RUFY3: variants seen among roughly 807,000 people sequenced by gnomAD.
RUFY3 encodes protein RUFY3.
In RUFY3, 34 loss-of-function variants were observed where a neutral mutation model predicts 84.0. That is an observed-to-expected ratio of 0.40 (90% CI 0.31 to 0.54). RUFY3 has a LOEUF of 0.54. Ranked by LOEUF, RUFY3 falls within the 20% of genes least tolerant of loss-of-function variation. The probability of loss-of-function intolerance (pLI) is 0.39; values close to 1 mark genes in which losing one functional copy is unlikely to be tolerated. For synonymous variants in RUFY3, 242 were observed against 252.9 expected (o/e 0.96, Z 0.41); for missense variants, 507 against 736.8 (o/e 0.69, Z 3.61).
chr4:70,754,173 C>A (rs999995470), intron 1 of RUFY3, among the ~76,000 whole-genome samples: 1 of 152,146 alleles, frequency 6.6e-6, no homozygotes. Flanking sequence ...CTGCCTCAGC[C>A]TCCTGAGTAG....
At chr4:70,752,856 T>C (rs1407048364) in intron 1 of RUFY3, among the ~76,000 whole-genome samples, 1 of 152,232 alleles carries the variant, frequency 6.6e-6, no homozygotes, top group Non-Finnish European at 1.5e-5. Flanking sequence ...ATAAGGAGTA[T>C]TGATCTATAG....
At chr4:70,761,905 A>G (rs1725095518) in intron 1 of RUFY3, among the ~76,000 whole-genome samples, 1 of 152,206 alleles carries the variant, frequency 6.6e-6, no homozygotes, top group African/African-American at 2.4e-5. Flanking sequence ...CAAATTATGC[A>G]GAGAAAAGAG....
chr4:70,776,501 G>A (rs1235058021), intron 7 of RUFY3, among the ~76,000 whole-genome samples: 1 of 152,214 alleles, frequency 6.6e-6, no homozygotes, highest in East Asian at 1.9e-4. Context: ...GAGGCCGGGA[G>A]CAGTGGCTCA....
intron 1 of RUFY3, among the ~76,000 whole-genome samples, chr4:70,715,588 CAAA>C (rs886636641): frequency 4.1e-4 from 19 of 46,680 alleles, no homozygotes; most frequent in Admixed American, 5.6e-4. Context: ...ACACTATCTC[CAAA>C]AAAAAAAAAA....
At chr4:70,772,952 C>T (rs1326296978) in intron 5 of RUFY3, among the ~76,000 whole-genome samples, 3 of 152,098 alleles carry the variant, frequency 2.0e-5, no homozygotes, top group Non-Finnish European at 2.9e-5. Context: ...AGAGCCACTG[C>T]GCCCGGCCTT....
At chr4:70,729,726 A>T (rs537321788) in intron 1 of RUFY3, among the ~76,000 whole-genome samples, 2 of 152,128 alleles carry the variant, frequency 1.3e-5, no homozygotes, top group Admixed American at 6.5e-5. Flanking sequence ...TCTTCAATAC[A>T]TTGCCATTTT....
chr4:70,738,523 C>A (rs549412628), intron 1 of RUFY3, among the ~76,000 whole-genome samples: 46 of 151,046 alleles, frequency 3.0e-4, no homozygotes, highest in Non-Finnish European at 7.4e-5. Context: ...CCACCACGCC[C>A]GGCTAATTTT....
At chr4:70,733,668 G>T (rs1435637453) in intron 1 of RUFY3, among the ~76,000 whole-genome samples, 1 of 152,200 alleles carries the variant, frequency 6.6e-6, no homozygotes, top group South Asian at 2.1e-4. Flanking sequence ...TATTTGATGT[G>T]TAGGGTAATG....
intron 6 of RUFY3, among the ~76,000 whole-genome samples, chr4:70,774,099 T>C (rs1034820364): frequency 6.6e-6 from 1 of 152,212 alleles, no homozygotes; most frequent in Non-Finnish European, 1.5e-5. Context: ...CATCTATTCT[T>C]TTTATAAATT....
Position 70,800,221 on chromosome 4 carries a change from G to A in RUFY3, c.1622+16G>A. Reference sequence around the variant, plus strand: ...AAAGCCACAGGTGTTTGTTAATCAAGTATTAACTAAGATGTAAAGTTATTC... The same window carrying A: ...AAAGCCACAGGTGTTTGTTAATCAAATATTAACTAAGATGTAAAGTTATTC... On this transcript the variant is annotated intron_variant, in intron 15 of 17. Transcript: ENST00000381006. The A allele has an allele frequency of 1.9e-6, 3 of 1,586,258 alleles. No individual in the cohort carries two copies. Among genetic ancestry groups the A allele is most frequent in the Non-Finnish European group, 2.6e-6 (3 of 1,167,436 alleles).
upstream of RUFY3, among the ~76,000 whole-genome samples, chr4:70,717,814 G>A (rs971375663): frequency 2.0e-5 from 3 of 148,710 alleles, no homozygotes; most frequent in African/African-American, 7.4e-5. Context: ...GTTTCATTGT[G>A]TATAAAGAGA....
chr4:70,711,992 A>G (rs1046025385), intron 1 of RUFY3, among the ~76,000 whole-genome samples: 8 of 122,116 alleles, frequency 6.6e-5, no homozygotes, highest in African/African-American at 3.6e-4. Context: ...TTATTGACAG[A>G]ACAACAATTT....
Position 70,771,560 on chromosome 4 carries a change from G to A in RUFY3, c.697-1951G>A, listed in dbSNP as rs1382713136. Among the ~76,000 whole-genome samples the A allele has an allele frequency of 2.6e-5, 4 of 152,056 alleles. No homozygotes were observed. In the East Asian group the frequency reaches 5.8e-4, roughly 22 times the overall value. ...TATTTTATTTTATTTTTGAGACAAA[G>A]TCTCACTGTCATCCAGGCCGGAGTG... On this transcript the variant is annotated intron_variant, in intron 5 of 17. Coordinates refer to ENST00000381006, the MANE Select transcript of RUFY3 (RefSeq NM_001037442.4).
intron 1 of RUFY3, among the ~76,000 whole-genome samples, chr4:70,707,374 T>G (rs1359323515): frequency 1.3e-5 from 2 of 152,210 alleles, no homozygotes; most frequent in East Asian, 3.8e-4. Flanking sequence ...TTCTCCTGCC[T>G]CAGCCTCCTG....
At chr4:70,741,480 A>T in intron 1 of RUFY3, 1 of 519,222 alleles carries the variant, frequency 1.9e-6, no homozygotes, top group Non-Finnish European at 3.3e-6. Flanking sequence ...AGCCCTTGTC[A>T]CTGTTAATCG....
At chr4:70,804,511 GTGCAGAGTGCA>G (rs1732623892) in intron 17 of RUFY3, 95 bp downstream of exon 17, 1 of 1,001,110 alleles carries the variant, frequency 1.0e-6, no homozygotes, top group East Asian at 2.5e-5. Flanking sequence ...CCCGCATAGA[GTGCAGAGTGCA>G]TGCAGAGTGC....
At chr4:70,760,016 T>C (rs1724752873) in intron 1 of RUFY3, among the ~76,000 whole-genome samples, 1 of 152,168 alleles carries the variant, frequency 6.6e-6, no homozygotes, top group African/African-American at 2.4e-5. Context: ...GTGCCAAGGT[T>C]GAGAGTAGTG....
rs187168950 is a variant in RUFY3 at position 70,714,282 on chromosome 4, A to C, written c.358+8988A>C. On this transcript the variant is annotated intron_variant, in intron 1 of 11. Coordinates refer to the RUFY3 transcript ENST00000417478. ...CTCTGGTTCCATATTCTACTCACTA[A>C]TGCCCTATTTACTAAAAATGAGTAA... Among the ~76,000 whole-genome samples, 315 of 152,286 alleles carry C rather than the reference A, an allele frequency of 2.1e-3. 1 individual carries two copies. The highest frequency in any genetic ancestry group is 5.8e-3 in the Admixed American group (88 of 15,292).
At chr4:70,794,760 A>G in intron 13 of RUFY3, 35 bp from the exon 14 acceptor site, 1 of 1,428,198 alleles carries the variant, frequency 7.0e-7, no homozygotes, top group African/African-American at 1.4e-5. Flanking sequence ...ATAGAATTCC[A>G]ATTTTTCATC....
Sources: gnomAD v4.1 joint callset for allele counts (sites outside exome capture counted in the v4.1 genomes callset) on GRCh38, gnomAD v4.1.1 for gene constraint, MANE v1.5 for transcripts, NCBI Gene and HGNC (gene_info 2026-07-23, HGNC 2026-07-21) for gene names.